CNTN1: variants seen among roughly 807,000 people sequenced by gnomAD.
CNTN1 encodes contactin 1.
A neutral mutation model predicts 126.4 loss-of-function variants in CNTN1; 38 were observed. The ratio of observed to expected loss-of-function variants is 0.30; its 90% confidence interval spans 0.23 to 0.39. The LOEUF (loss-of-function observed/expected upper bound fraction) is 0.39. CNTN1 is among the 10% of genes least tolerant of loss of function. CNTN1 has a pLI of 1.00. For missense variants in CNTN1, 1,009 were observed against 1,248.4 expected (o/e 0.81, Z 2.89); for synonymous variants, 413 against 422.6 (o/e 0.98, Z 0.28).
intron 1 of CNTN1, among the ~76,000 whole-genome samples, chr12:40,702,077 T>C (rs1204222012): frequency 6.7e-6 from 1 of 149,258 alleles, no homozygotes; most frequent in Admixed American, 6.8e-5. Context: ...AACGGAATCA[T>C]GAAGTATGCA....
chr12:40,710,630 T>G (rs1275816768), intron 1 of CNTN1, among the ~76,000 whole-genome samples: 1 of 152,150 alleles, frequency 6.6e-6, no homozygotes, highest in South Asian at 2.1e-4. Context: ...TACTGATAAA[T>G]TTCCACTGAA....
At chr12:40,859,359 C>G (rs1943037776) in intron 1 of CNTN1, among the ~76,000 whole-genome samples, 1 of 151,992 alleles carries the variant, frequency 6.6e-6, no homozygotes, top group South Asian at 2.1e-4. Flanking sequence ...ACAAAAGCCT[C>G]ACACTAATGT....
intron 17 of CNTN1, among the ~76,000 whole-genome samples, chr12:41,004,156 AATTTTAAATAT>A (rs1365560099): frequency 6.6e-6 from 1 of 152,034 alleles, no homozygotes; most frequent in African/African-American, 2.4e-5. Flanking sequence ...TGTTTTCATT[AATTTTAAATAT>A]CTTCTCGATT....
At chr12:40,877,350 A>C (rs1943705575) in intron 1 of CNTN1, among the ~76,000 whole-genome samples, 1 of 152,206 alleles carries the variant, frequency 6.6e-6, no homozygotes, top group Non-Finnish European at 1.5e-5. Flanking sequence ...AGAGATGAGC[A>C]ACTGGAGAAA....
rs1478050088 is a variant in CNTN1, at chr12:40,936,778, T to C, written c.986-3T>C. On this transcript the variant is annotated splice_region_variant and splice_polypyrimidine_tract_variant and intron_variant, in intron 9 of 23. Transcript: ENST00000551295. The stretch of plus-strand genomic sequence containing the variant: ...AACATTTACAATGTTCCTTACTTTT[T>C]AGCATTCCCTGAGTGGGTAGAACAC... The C allele has an allele frequency of 6.2e-7, 1 of 1,612,932 alleles. No homozygotes were observed. The highest frequency in any genetic ancestry group is 1.7e-5 in the Admixed American group (1 of 59,938).
At chr12:40,693,090 A>G (rs1427500729) in intron 1 of CNTN1, among the ~76,000 whole-genome samples, 2 of 152,040 alleles carry the variant, frequency 1.3e-5, no homozygotes, top group African/African-American at 4.8e-5. Context: ...AGAGGGGAGG[A>G]AGCGACTTGT....
intron 23 of CNTN1, among the ~76,000 whole-genome samples, chr12:41,035,094 T>A (rs1949226825): frequency 6.6e-6 from 1 of 152,196 alleles, no homozygotes; most frequent in Non-Finnish European, 1.5e-5. Flanking sequence ...CTAACCTAGG[T>A]TTTTTCAAAT....
chr12:40,983,375 T>C (rs984997641), intron 16 of CNTN1, among the ~76,000 whole-genome samples: 2 of 152,142 alleles, frequency 1.3e-5, no homozygotes, highest in Non-Finnish European at 2.9e-5. Context: ...AATATTTTAC[T>C]ATTTTTGTTC....
intron 1 of CNTN1, among the ~76,000 whole-genome samples, chr12:40,869,598 T>G (rs2136665738): frequency 6.6e-6 from 1 of 152,240 alleles, no homozygotes; most frequent in South Asian, 2.1e-4. Flanking sequence ...ACATATATTA[T>G]TATAGTCAAT....
At chr12:41,063,917 C>G (rs375810760) in intron 23 of CNTN1, among the ~76,000 whole-genome samples, 18 of 152,290 alleles carry the variant, frequency 1.2e-4, no homozygotes, top group African/African-American at 3.4e-4. Context: ...TAGCTCACGC[C>G]TGTAATCCCA....
At chr12:40,946,267 G>T (rs1445950356) in intron 14 of CNTN1, among the ~76,000 whole-genome samples, 1 of 152,092 alleles carries the variant, frequency 6.6e-6, no homozygotes, top group Non-Finnish European at 1.5e-5. Flanking sequence ...CCTTTTGGAA[G>T]ATAGTCCTAA....
At chr12:40,951,089 A>G (rs1226381924) in intron 14 of CNTN1, among the ~76,000 whole-genome samples, 3 of 152,170 alleles carry the variant, frequency 2.0e-5, no homozygotes, top group Admixed American at 6.5e-5. Context: ...ATGATATATG[A>G]GTTGTATTTC....
At chr12:40,776,948 A>C (rs1565720555) in intron 1 of CNTN1, among the ~76,000 whole-genome samples, 1 of 151,622 alleles carries the variant, frequency 6.6e-6, no homozygotes, top group Non-Finnish European at 1.5e-5. Context: ...TATCTTGTAT[A>C]TCCCACCTCT....
intron 1 of CNTN1, among the ~76,000 whole-genome samples, chr12:40,904,031 C>T (rs947513603): frequency 6.6e-5 from 10 of 152,082 alleles, no homozygotes; most frequent in Admixed American, 6.5e-4. Flanking sequence ...CTCTTCTCTT[C>T]TTTTTGAGAT....
At chr12:41,023,170 T>C (rs1430724864) in intron 20 of CNTN1, among the ~76,000 whole-genome samples, 2 of 152,162 alleles carry the variant, frequency 1.3e-5, no homozygotes, top group Admixed American at 6.5e-5. Context: ...GATGGATCTC[T>C]ATTTTTCTGT....
At chr12:40,930,034 G>A (rs375395772) in intron 7 of CNTN1, 32 bp downstream of exon 7, 7 of 1,494,376 alleles carry the variant, frequency 4.7e-6, no homozygotes, top group African/African-American at 1.4e-5. Context: ...CTCTGTTTTC[G>A]CAAGGTTATC....
intron 17 of CNTN1, among the ~76,000 whole-genome samples, chr12:40,993,921 C>T (rs73277750): frequency 0.068 from 10,388 of 152,028 alleles, 726 homozygotes; most frequent in African/African-American, 0.18. Flanking sequence ...GAGTGTTCAC[C>T]ATTACCCCGT....
chr12:40,757,874 T>A (rs1197859744), intron 1 of CNTN1, among the ~76,000 whole-genome samples: 3 of 152,184 alleles, frequency 2.0e-5, no homozygotes, highest in African/African-American at 7.2e-5. Flanking sequence ...TAGATTTATT[T>A]TCTTATGGCT....
chr12:40,743,658 T>A (rs553445337), intron 1 of CNTN1, among the ~76,000 whole-genome samples: 6 of 152,162 alleles, frequency 3.9e-5, no homozygotes, highest in African/African-American at 1.4e-4. Flanking sequence ...TTTTGTTTTT[T>A]TTCTTGTAAA....
Sources: allele counts gnomAD v4.1 joint callset (sites outside exome capture counted in the v4.1 genomes callset), GRCh38; gene constraint gnomAD v4.1.1; transcripts MANE v1.5; gene names NCBI Gene and HGNC (gene_info 2026-07-23, HGNC 2026-07-21).